Variants in ZC3H3 observed in about 807,000 individuals in gnomAD.
The protein encoded by ZC3H3 is zinc finger CCCH domain-containing protein 3.
ZC3H3 carries 36 observed loss-of-function variants against 77.3 expected under a neutral mutation model. The observed-to-expected ratio is 0.47, with a 90% confidence interval of 0.36 to 0.61. The LOEUF (loss-of-function observed/expected upper bound fraction) is 0.61. Among genes scored for constraint, ZC3H3 ranks in the 20% least tolerant of loss-of-function variants. The probability of loss-of-function intolerance (pLI) is 0.00; values close to 1 mark genes in which losing one functional copy is unlikely to be tolerated. For synonymous variants in ZC3H3, 626 were observed against 555.2 expected, an observed-to-expected ratio of 1.13 and a Z score of -1.79; for missense variants, 1,331 against 1,312.2, an observed-to-expected ratio of 1.01 and a Z score of -0.22.
intron 3 of ZC3H3, among the ~76,000 whole-genome samples, chr8:143,519,605 G>A (rs763801172): frequency 1.8e-4 from 27 of 152,300 alleles, no homozygotes; most frequent in Non-Finnish European, 3.7e-4. Context: ...TGCTCACACT[G>A]GCACCCGTGG....
In ZC3H3 at chr8:143,438,135, C is replaced by A. The variant is rs761902233; in HGVS notation, c.2816-48G>T. The A allele has an allele frequency of 5.7e-6, 9 of 1,580,982 alleles. No individual in the cohort carries two copies. In the Admixed American group the frequency reaches 1.7e-4, roughly 29 times the overall value. On this transcript the variant is annotated intron_variant, in intron 11 of 11. Transcript: ENST00000262577. The stretch of plus-strand genomic sequence containing the variant: ...AGGTGCCCGGAAACCCCTGGAAGAA[C>A]CTCCCCAGCCTGCAAAGCTCCTGAT...
chr8:143,507,700 C>T, intron 4 of ZC3H3, 46 bp downstream of exon 4: 1 of 1,490,822 alleles, frequency 6.7e-7, no homozygotes, highest in South Asian at 1.3e-5. Flanking sequence ...CAGGGCCAGA[C>T]AGCCCAGTTC....
intron 3 of ZC3H3, among the ~76,000 whole-genome samples, chr8:143,513,006 G>C (rs1357729558): frequency 6.6e-6 from 1 of 152,088 alleles, no homozygotes; most frequent in Non-Finnish European, 1.5e-5. Flanking sequence ...AGAGGAGTCG[G>C]GGCTGCAAGA....
At chr8:143,529,161 C>G (rs950508550) in intron 3 of ZC3H3, among the ~76,000 whole-genome samples, 2 of 152,156 alleles carry the variant, frequency 1.3e-5, no homozygotes, top group Non-Finnish European at 2.9e-5. Context: ...GCCGGGCCTT[C>G]GAGGTGGGGC....
At chr8:143,489,719 C>T (rs1334140250) in intron 4 of ZC3H3, among the ~76,000 whole-genome samples, 3 of 152,202 alleles carry the variant, frequency 2.0e-5, no homozygotes, top group Admixed American at 1.3e-4. Context: ...TATTTTCTGG[C>T]GTCAGGCGGT....
intron 4 of ZC3H3, among the ~76,000 whole-genome samples, chr8:143,480,207 G>A (rs1820871132): frequency 6.6e-6 from 1 of 152,210 alleles, no homozygotes; most frequent in Admixed American, 6.5e-5. Flanking sequence ...CTCACTCTGA[G>A]GTCTTGGTTT....
chr8:143,496,539 T>A (rs1222989093), intron 4 of ZC3H3, among the ~76,000 whole-genome samples: 1 of 150,638 alleles, frequency 6.6e-6, no homozygotes, highest in Non-Finnish European at 1.5e-5. Context: ...TCAAGTGGAG[T>A]AAGACTCCTG....
At position 143,462,099 on chromosome 8, in the gene ZC3H3, C is replaced by G. The variant is rs1459575901; in HGVS notation, c.2307+3618G>C. On this transcript the variant is annotated intron_variant, in intron 9 of 11. Transcript: ENST00000262577. This position sits in a 1 kb window ranked among gnomAD's most constrained non-coding sequence, Gnocchi z 4.7. ...CCTCACACAACACGCAAATGAAGAA[C>G]AGCAAACGGCAGCCGACTTGTAGGG... 1.3e-5 allele frequency among the ~76,000 whole-genome samples: 2 copies of G among 151,962 alleles called. No individual in the cohort carries two copies. The highest frequency in any genetic ancestry group is 2.4e-5 in the African/African-American group (1 of 41,362).
chr8:143,463,500 A>AC (rs1425498955), intron 9 of ZC3H3, among the ~76,000 whole-genome samples: 4 of 152,232 alleles, frequency 2.6e-5, no homozygotes, highest in African/African-American at 9.6e-5. Flanking sequence ...AGCGGTGAGC[A>AC]CGGAGGAGGG....
At chr8:143,526,731 T>C (rs1822424595) in intron 3 of ZC3H3, among the ~76,000 whole-genome samples, 1 of 152,078 alleles carries the variant, frequency 6.6e-6, no homozygotes, top group African/African-American at 2.4e-5. Flanking sequence ...AGCAACATCC[T>C]GACCCCATGC....
At chr8:143,444,305 G>A (rs1178707668) in intron 9 of ZC3H3, among the ~76,000 whole-genome samples, 1 of 152,080 alleles carries the variant, frequency 6.6e-6, no homozygotes, top group Non-Finnish European at 1.5e-5. Context: ...TACTCCAGAT[G>A]TACAATTCCA....
chr8:143,514,542 G>A (rs191982699), intron 3 of ZC3H3, among the ~76,000 whole-genome samples: 150 of 152,332 alleles, frequency 9.8e-4, no homozygotes, highest in African/African-American at 3.5e-3. Context: ...GCACACAGGC[G>A]TGAGCACACG....
Position 143,538,604 on chromosome 8 carries a change from A to G in ZC3H3, c.763T>C (p.Cys255Arg), listed in dbSNP as rs760691957. Residue 255 changes from cysteine to arginine, a missense_variant, in exon 2 of 12, where the codon TGT (cysteine) becomes CGT (arginine). By Grantham distance (180) the Cys-to-Arg change is radical. Around this residue, in one of 3 missense-constraint regions of ZC3H3, gnomAD observed 978 missense variants for 915.5 expected, o/e 1.07. Transcript: ENST00000262577. The part of the protein sequence containing the change: ...RKLGSHSVAS[C>R]APQLLGDRRV... Reference sequence around the variant, plus strand: ...CTGTCCCCAAGGAGCTGTGGAGCACAGCTGGCCACGGAATGAGAACCCAGC... The same window carrying G: ...CTGTCCCCAAGGAGCTGTGGAGCACGGCTGGCCACGGAATGAGAACCCAGC... The G allele has an allele frequency of 1.2e-6, 2 of 1,609,950 alleles. No homozygotes were observed. The highest frequency in any genetic ancestry group is 1.7e-5 in the Admixed American group (1 of 60,028).
At chr8:143,514,685 C>T (rs1437268328) in intron 3 of ZC3H3, among the ~76,000 whole-genome samples, 2 of 152,198 alleles carry the variant, frequency 1.3e-5, no homozygotes, top group African/African-American at 2.4e-5. Flanking sequence ...CCAGGCCATG[C>T]AGTTCAAATG....
At chr8:143,456,466 A>G (rs908529853) in intron 9 of ZC3H3, among the ~76,000 whole-genome samples, 1 of 152,234 alleles carries the variant, frequency 6.6e-6, no homozygotes, top group Non-Finnish European at 1.5e-5. Context: ...AAAAAAAGAC[A>G]TGAAAACTTG....
intron 9 of ZC3H3, among the ~76,000 whole-genome samples, chr8:143,448,770 C>A (rs1420145549): frequency 2.0e-5 from 3 of 152,214 alleles, no homozygotes; most frequent in Non-Finnish European, 4.4e-5. Context: ...GGAGACTCTG[C>A]GTGGGGGCTC....
intron 4 of ZC3H3, 138 bp from the exon 5 acceptor site, chr8:143,475,723 C>G (rs1246401413): frequency 1.1e-5 from 11 of 1,034,030 alleles, no homozygotes; most frequent in Non-Finnish European, 1.5e-5. Flanking sequence ...CACACTCCAG[C>G]TGGGTGACCA....
chr8:143,501,572 T>C (rs1178812967), intron 4 of ZC3H3, among the ~76,000 whole-genome samples: 1 of 151,412 alleles, frequency 6.6e-6, no homozygotes, highest in African/African-American at 2.4e-5. Context: ...CCATCATGCC[T>C]GGCCACGGGG....
chr8:143,465,913 T>C, intron 8 of ZC3H3, 65 bp from the exon 9 acceptor site: 1 of 1,556,740 alleles, frequency 6.4e-7, no homozygotes, highest in Non-Finnish European at 8.7e-7. Flanking sequence ...AGACGGTGGC[T>C]GGGGACCCTC....
Sources: gnomAD v4.1 joint callset for allele counts (sites outside exome capture counted in the v4.1 genomes callset) on GRCh38, gnomAD v4.1.1 for gene constraint, gnomAD v4.1.1 regional missense constraint, Gnocchi (gnomAD v3.1) non-coding constraint, MANE v1.5 for transcripts, NCBI Gene and HGNC (gene_info 2026-07-23, HGNC 2026-07-21) for gene names.